ZNF331: variants seen among roughly 807,000 people sequenced by gnomAD.
ZNF331 encodes the protein C2H2-like zinc finger protein rearranged in thyroid adenomas.
Under a neutral mutation model 7.0 loss-of-function variants are expected in ZNF331, and 2 were observed. The ratio of observed to expected loss-of-function variants is 0.29; its 90% CI spans 0.12 to 0.90. ZNF331 has a LOEUF of 0.90. ZNF331 is among the 40% of genes least tolerant of loss of function. ZNF331 has a pLI of 0.58. For synonymous variants in ZNF331, 196 were observed against 205.4 expected, an observed-to-expected ratio of 0.95 and a Z score of 0.39; for missense variants, 432 against 587.7, an observed-to-expected ratio of 0.74 and a Z score of 2.74.
intron 5 of ZNF331, among the ~76,000 whole-genome samples, chr19:53,576,204 G>A (rs1276376142): frequency 6.6e-6 from 1 of 151,388 alleles, no homozygotes; most frequent in Non-Finnish European, 1.5e-5. Context: ...AGCTGGTCTC[G>A]GACTCCCGAC....
At chr19:53,541,051 C>T (rs568393962) in intron 2 of ZNF331, among the ~76,000 whole-genome samples, 1 of 152,120 alleles carries the variant, frequency 6.6e-6, no homozygotes, top group African/African-American at 2.4e-5. Context: ...TAGGTGCCAG[C>T]ATTACCATAT....
chr19:53,574,051 GGCT>G, intron 5 of ZNF331, among the ~76,000 whole-genome samples: 2 of 152,264 alleles, frequency 1.3e-5, no homozygotes, highest in South Asian at 4.1e-4. Context: ...GGGAGGCAGA[GGCT>G]GCAGTGAGTC....
At chr19:53,536,662 G>A (rs554114876), upstream of ZNF331, among the ~76,000 whole-genome samples, 1 of 152,318 alleles carries the variant, frequency 6.6e-6, no homozygotes, top group South Asian at 2.1e-4. Context: ...CACTTTGTGA[G>A]GCCGAGGCAG....
chr19:53,516,778 T>C (rs2086914323), upstream of ZNF331, among the ~76,000 whole-genome samples: 1 of 152,236 alleles, frequency 6.6e-6, no homozygotes, highest in South Asian at 2.1e-4. Context: ...TGCTGCTTTT[T>C]TGTTGCTTAT....
chr19:53,576,994 A>T lies in ZNF331; in HGVS notation c.434A>T (p.Gln145Leu), dbSNP rs764174432. 1.4e-5 allele frequency: 22 copies of T among 1,612,348 alleles called. No homozygotes were observed. The highest frequency in any genetic ancestry group is 1.8e-5 in the Non-Finnish European group (21 of 1,179,324). Residue 145 changes from glutamine to leucine, a missense_variant, in exon 6 of 6, where the codon CAA becomes CTA. Gln to Leu is a moderately radical substitution (Grantham distance 113, BLOSUM62 -2). This residue lies in a region of ZNF331 where 312 missense variants were observed against 448.6 expected (regional missense o/e 0.70). Coordinates refer to ENST00000449416, the MANE Select transcript of ZNF331 (RefSeq NM_001079906.2). ...GGGAAGGCCTTTAGTCGTGGCTATCAACTTAGTCAACATCAGAAAATCCAT... is the reference window on the plus strand; with the variant it reads ...GGGAAGGCCTTTAGTCGTGGCTATCTACTTAGTCAACATCAGAAAATCCAT... The part of the protein sequence containing the change: ...DCGKAFSRGY[Q>L]LSQHQKIHTG...
the ZNF331 span, among the ~76,000 whole-genome samples, chr19:53,506,464 C>CTGTCTG: frequency 1.4e-5 from 2 of 143,606 alleles, no homozygotes; most frequent in Non-Finnish European, 3.0e-5. Context: ...CTCTCTCTCT[C>CTGTCTG]TCTCTCTCTC....
chr19:53,522,139 A>ACC (rs1198955812), intron 1 of ZNF331: 2 of 151,968 alleles, frequency 1.3e-5, no homozygotes, highest in Non-Finnish European at 2.9e-5. Context: ...ATGTTTCAGA[A>ACC]CCCCAGTTCC....
At chr19:53,548,457 A>G (rs575561820) in intron 2 of ZNF331, among the ~76,000 whole-genome samples, 2 of 152,054 alleles carry the variant, frequency 1.3e-5, no homozygotes, top group Admixed American at 1.3e-4. Context: ...GGGTCTCACC[A>G]TGTTGCCCAG....
chr19:53,547,644 T>A (rs1299066043), intron 2 of ZNF331, among the ~76,000 whole-genome samples: 2 of 152,206 alleles, frequency 1.3e-5, no homozygotes. Flanking sequence ...ACCAACAGTG[T>A]ATAAGGGTCC....
At chr19:53,574,332 G>A (rs1350275037) in intron 5 of ZNF331, among the ~76,000 whole-genome samples, 2 of 152,078 alleles carry the variant, frequency 1.3e-5, no homozygotes, top group African/African-American at 2.4e-5. Context: ...TCAGCCACCC[G>A]TACAAAGAGC....
At chr19:53,542,998 A>G (rs188142304) in intron 2 of ZNF331, among the ~76,000 whole-genome samples, 216 of 152,286 alleles carry the variant, frequency 1.4e-3, no homozygotes, top group African/African-American at 4.8e-3. Flanking sequence ...TAGTAGAGAC[A>G]GGGTTTTTCC....
rs139096623 is a variant in ZNF331, at chr19:53,558,851, A to G, written c.-74+2943A>G. 1.2e-3 allele frequency among the ~76,000 whole-genome samples: 175 copies of G among 150,888 alleles called. 2 individuals carry two copies. In the East Asian group the frequency reaches 0.028, roughly 24 times the overall value. On this transcript the variant is annotated intron_variant, in intron 3 of 5. Coordinates refer to ENST00000449416, the MANE Select transcript of ZNF331 (RefSeq NM_001079906.2). This position sits in a 1 kb window ranked among gnomAD's most constrained non-coding sequence, Gnocchi z 4.5. ...ATAGGCACCTACATATATACACACCATACACACATATACACACACATACCC... is the reference window on the plus strand; with the variant it reads ...ATAGGCACCTACATATATACACACCGTACACACATATACACACACATACCC...
chr19:53,567,294 C>A (rs1331837291), intron 3 of ZNF331, among the ~76,000 whole-genome samples: 1 of 152,202 alleles, frequency 6.6e-6, no homozygotes, highest in African/African-American at 2.4e-5. Flanking sequence ...GTAACATCAC[C>A]CAATCTAGAG....
At chr19:53,534,015 A>C (rs2087642072), upstream of ZNF331, among the ~76,000 whole-genome samples, 1 of 152,210 alleles carries the variant, frequency 6.6e-6, no homozygotes, top group Admixed American at 6.5e-5. Flanking sequence ...TGTTATTAGG[A>C]AAATATGCCA....
rs567953667 is a variant in ZNF331 at position 53,568,122 on chromosome 19, G to A, written c.-73-1182G>A. On this transcript the variant is annotated intron_variant, in intron 3 of 5. Coordinates refer to ENST00000449416, the MANE Select transcript of ZNF331 (RefSeq NM_001079906.2). ...AAATTAGCTGGACATGGTGGCATGT[G>A]CCTATAGTCCCAGCTACTCAGGAGG... Among the ~76,000 whole-genome samples the A allele has an allele frequency of 9.7e-4, 148 of 151,992 alleles. 3 individuals are homozygous for A. Among genetic ancestry groups the A allele is most frequent in the Middle Eastern group, 6.8e-3 (2 of 294 alleles).
At chr19:53,547,512 A>T (rs995104647) in intron 2 of ZNF331, among the ~76,000 whole-genome samples, 4 of 152,212 alleles carry the variant, frequency 2.6e-5, no homozygotes, top group Non-Finnish European at 5.9e-5. Flanking sequence ...AGGTATCGCC[A>T]TGACATACTA....
rs932242592 is a variant in ZNF331 at position 53,560,244 on chromosome 19, T to TAC, written c.-74+4343_-74+4344dup. Among the ~76,000 whole-genome samples, 3 of 148,698 alleles carry TAC rather than the reference T, an allele frequency of 2.0e-5. No individual in the cohort carries two copies. The highest frequency in any genetic ancestry group is 4.5e-5 in the Non-Finnish European group (3 of 67,108). On this transcript the variant is annotated intron_variant, in intron 3 of 5. Transcript: ENST00000449416. The surrounding 1 kb of genome is among the most constrained non-coding windows in gnomAD (Gnocchi z 4.3). ...CATATATACACATCCACACCATATA[T>TAC]ACACACACCATGCACCCACATATAT...
intron 2 of ZNF331, among the ~76,000 whole-genome samples, chr19:53,542,812 A>G (rs1400303196): frequency 6.6e-6 from 1 of 152,150 alleles, no homozygotes; most frequent in Admixed American, 6.5e-5. Context: ...CAAGGAAGGC[A>G]CTTTTGTTTT....
At position 53,531,853 on chromosome 19, in the gene ZNF331, A is replaced by T. The variant is rs10426001; in HGVS notation, c.-204-7363A>T. On this transcript the variant is annotated intron_variant, in intron 2 of 6. Transcript: ENST00000253144. ...TCTGGATCTAGGACAGAGTTGGCAAATTTTTTTCTGTAAAACGTTCAGCAG... is the reference window on the plus strand; with the variant it reads ...TCTGGATCTAGGACAGAGTTGGCAATTTTTTTTCTGTAAAACGTTCAGCAG... Among the ~76,000 whole-genome samples the T allele has an allele frequency of 3.8e-3, 584 of 152,156 alleles. 6 individuals carry two copies. The highest frequency in any genetic ancestry group is 0.013 in the African/African-American group (539 of 41,504).
Sources: gnomAD v4.1 joint callset for allele counts (sites outside exome capture counted in the v4.1 genomes callset) on GRCh38, gnomAD v4.1.1 for gene constraint, gnomAD v4.1.1 regional missense constraint, Gnocchi (gnomAD v3.1) non-coding constraint, MANE v1.5 for transcripts, NCBI Gene and HGNC (gene_info 2026-07-23, HGNC 2026-07-21) for gene names.